The following WDPCP variants were observed in gnomAD, a reference collection of about 807,000 sequenced individuals.
The protein encoded by WDPCP is WD repeat-containing and planar cell polarity effector protein fritz homolog.
In WDPCP, 71 loss-of-function variants were observed where a neutral mutation model predicts 93.1. The ratio of observed to expected loss-of-function variants is 0.76; its 90% confidence interval spans 0.63 to 0.93. WDPCP has a LOEUF of 0.93. Ranked by LOEUF, WDPCP falls within the 40% of genes least tolerant of loss-of-function variation. The pLI, the probability that WDPCP is intolerant of heterozygous loss-of-function variation, is 0.00. For synonymous variants in WDPCP, 315 were observed against 315.0 expected, an observed-to-expected ratio of 1.00 and a Z score of 0.00; for missense variants, 844 against 887.4, an observed-to-expected ratio of 0.95 and a Z score of 0.62.
At chr2:63,149,632 C>T (rs183914391) in intron 17 of WDPCP, among the ~76,000 whole-genome samples, 11 of 152,166 alleles carry the variant, frequency 7.2e-5, no homozygotes, top group Non-Finnish European at 1.2e-4. Flanking sequence ...TGTATTCAGT[C>T]GGTGAAATAC....
intron 12 of WDPCP, among the ~76,000 whole-genome samples, chr2:63,323,171 C>T (rs1372617060): frequency 2.0e-5 from 3 of 152,238 alleles, no homozygotes; most frequent in African/African-American, 7.2e-5. Flanking sequence ...CCAAGCGAGA[C>T]TTGCCCATCT....
intron 12 of WDPCP, among the ~76,000 whole-genome samples, chr2:63,353,110 A>G (rs2104571121): frequency 6.6e-6 from 1 of 152,226 alleles, no homozygotes; most frequent in Non-Finnish European, 1.5e-5. Flanking sequence ...TGAATGTGTG[A>G]CCCCAGGGAA....
At chr2:63,606,077 T>C in intron 3 of WDPCP, 1 of 1,511,166 alleles carries the variant, frequency 6.6e-7, no homozygotes, top group Admixed American at 1.7e-5. Flanking sequence ...TAGTTATATG[T>C]TTCTCTTAAG....
intron 17 of WDPCP, among the ~76,000 whole-genome samples, chr2:63,148,743 G>A (rs1671694952): frequency 6.6e-6 from 1 of 151,996 alleles, no homozygotes; most frequent in Non-Finnish European, 1.5e-5. Context: ...AGAAATAGTA[G>A]ATTCTAGGTG....
rs562644679 is a variant in WDPCP at position 63,344,763 on chromosome 2, G to C, written c.1749-31452C>G. On this transcript the variant is annotated intron_variant, in intron 12 of 17. Transcript: ENST00000272321. ...AGGGATGTGAAAAAACCGAACCTCT[G>C]TATCAGTTCCTCTGGAAACCACCAG... Among the ~76,000 whole-genome samples the C allele has an allele frequency of 2.0e-5, 3 of 152,262 alleles. No individual in the cohort carries two copies. The South Asian group carries it at 6.2e-4, about 32-fold the overall frequency.
chr2:63,717,199 G>A (rs186962909), intron 2 of WDPCP: 87 of 477,726 alleles, frequency 1.8e-4, no homozygotes, highest in South Asian at 9.3e-4. Flanking sequence ...TGTCCAGCAT[G>A]CCAGTGCTTC....
intron 2 of WDPCP, among the ~76,000 whole-genome samples, chr2:63,750,493 T>C (rs978900081): frequency 1.3e-5 from 2 of 152,128 alleles, no homozygotes; most frequent in Non-Finnish European, 2.9e-5. Flanking sequence ...TCCCCACTGC[T>C]GCCTGTTTTT....
intron 12 of WDPCP, among the ~76,000 whole-genome samples, chr2:63,329,150 T>A (rs550899965): frequency 1.6e-4 from 25 of 152,324 alleles, no homozygotes; most frequent in African/African-American, 4.8e-4. Flanking sequence ...GTCTTACTCA[T>A]CTTGCATATC....
chr2:63,389,241 T>C (rs965049757), intron 10 of WDPCP, among the ~76,000 whole-genome samples: 1 of 152,148 alleles, frequency 6.6e-6, no homozygotes, highest in Non-Finnish European at 1.5e-5. Flanking sequence ...TGGGGGCAAA[T>C]ATTCAACATT....
At chr2:63,811,132 G>C (rs1045838568) in intron 2 of WDPCP, among the ~76,000 whole-genome samples, 2 of 152,188 alleles carry the variant, frequency 1.3e-5, no homozygotes, top group Admixed American at 1.3e-4. Context: ...TCATGAAGCG[G>C]AACCCAAGGA....
At chr2:63,239,938 G>A (rs542115326) in intron 14 of WDPCP, among the ~76,000 whole-genome samples, 6 of 152,204 alleles carry the variant, frequency 3.9e-5, no homozygotes, top group Non-Finnish European at 8.8e-5. Context: ...AAATGGATAT[G>A]AATAAATGAT....
chr2:63,632,584 T>G (rs1709875482), intron 3 of WDPCP, among the ~76,000 whole-genome samples: 1 of 151,430 alleles, frequency 6.6e-6, no homozygotes, highest in African/African-American at 2.4e-5. Flanking sequence ...AAATGCAAAA[T>G]GAAATAGAGA....
chr2:63,779,519 C>A (rs1239512190), intron 2 of WDPCP, among the ~76,000 whole-genome samples: 1 of 152,122 alleles, frequency 6.6e-6, no homozygotes. Context: ...TCTGATTCCA[C>A]TTGAGGCTGA....
chr2:63,597,322 G>C (rs778263914), intron 3 of WDPCP: 17 of 1,299,394 alleles, frequency 1.3e-5, no homozygotes, highest in Non-Finnish European at 1.6e-5. Flanking sequence ...AGAATTAATG[G>C]GTAGATTCAA....
At position 63,120,342 on chromosome 2, in the gene WDPCP, A is replaced by AT. The variant is rs1382253461; in HGVS notation, c.*1663dup. The stretch of plus-strand genomic sequence containing the variant: ...GAGCAATAACAAAATGAAAAATCTA[A>AT]TTTGAGTTTCACCTTTTTTTGTCAT... On this transcript the variant is annotated 3_prime_UTR_variant, in exon 18 of 18. Coordinates refer to ENST00000272321, the MANE Select transcript of WDPCP (RefSeq NM_015910.7). Among the ~76,000 whole-genome samples the AT allele has an allele frequency of 6.6e-6, 1 of 152,094 alleles. No homozygotes were observed. The highest frequency in any genetic ancestry group is 2.4e-5 in the African/African-American group (1 of 41,420).
Position 63,404,354 on chromosome 2 carries a change from C to A in WDPCP, c.1129G>T (p.Glu377Ter). Residue 377 changes from glutamate to a stop codon, truncating the protein, a stop_gained, in exon 10 of 18, where the codon GAA becomes TAA. Coordinates refer to ENST00000272321, the MANE Select transcript of WDPCP (RefSeq NM_015910.7). LOFTEE classifies it high-confidence loss of function. ...CAGCTTATTAATGAAGGCAAAAGTTCAGTCTGTGCTAAGAGAGTCACTCTA... is the reference window on the plus strand; with the variant it reads ...CAGCTTATTAATGAAGGCAAAAGTTAAGTCTGTGCTAAGAGAGTCACTCTA... ...HRRVTLLAQT[E>*]LLPSLISCHP... The A allele has an allele frequency of 6.2e-7, 1 of 1,614,144 alleles. No individual in the cohort carries two copies. Among genetic ancestry groups the A allele is most frequent in the South Asian group, 1.1e-5 (1 of 91,066 alleles).
chr2:63,637,400 A>T (rs1709931508), intron 3 of WDPCP, among the ~76,000 whole-genome samples: 1 of 143,422 alleles, frequency 7.0e-6, no homozygotes, highest in Non-Finnish European at 1.5e-5. Context: ...AACAAACAAA[A>T]AAAACCAGTG....
chr2:63,175,024 A>G (rs1205502958), intron 14 of WDPCP, among the ~76,000 whole-genome samples, 192 bp from the exon 15 acceptor site: 1 of 152,222 alleles, frequency 6.6e-6, no homozygotes, highest in African/African-American at 2.4e-5. Flanking sequence ...TGATAACAGA[A>G]TAGTGAATGT....
chr2:63,334,053 A>G (rs986678920), intron 12 of WDPCP, among the ~76,000 whole-genome samples: 3 of 152,206 alleles, frequency 2.0e-5, no homozygotes, highest in Non-Finnish European at 4.4e-5. Context: ...AAAACAAAAA[A>G]CACATCCATT....
Sources: allele counts gnomAD v4.1 joint callset (sites outside exome capture counted in the v4.1 genomes callset), GRCh38; gene constraint gnomAD v4.1.1; transcripts MANE v1.5; gene names NCBI Gene and HGNC (gene_info 2026-07-23, HGNC 2026-07-21).